The following RNF213 variants were observed in gnomAD, a reference collection of about 807,000 sequenced individuals.
RNF213 encodes the protein ring finger protein 213, also known as E3 ubiquitin-protein ligase RNF213.
RNF213 carries 341 observed loss-of-function variants against 514.4 expected under a neutral mutation model. The observed-to-expected ratio is 0.66, with a 90% CI of 0.61 to 0.73. The LOEUF (loss-of-function observed/expected upper bound fraction) is 0.73, where lower values mean the gene tolerates loss of function less well. RNF213 is among the 30% of genes least tolerant of loss of function. The probability of loss-of-function intolerance (pLI) is 0.00; values close to 1 mark genes in which losing one functional copy is unlikely to be tolerated. For missense variants in RNF213, 5,767 were observed against 6,615.6 expected (o/e 0.87, Z 4.45); for synonymous variants, 2,655 against 2,658.2 (o/e 1.00, Z 0.04).
At chr17:80,361,204 C>T (rs560400750) in intron 38 of RNF213, among the ~76,000 whole-genome samples, 5 of 152,340 alleles carry the variant, frequency 3.3e-5, no homozygotes, top group African/African-American at 1.2e-4. Flanking sequence ...AAATTTGACA[C>T]TGTTTCCGCC....
In RNF213 at chr17:80,394,053, T is replaced by G. The variant is rs2080588439; in HGVS notation, c.*555T>G. ...AAATCAGGGCATTTTGTGAGTGCCT[T>G]AAGATCAAACTAACAAGATCTGACC... On this transcript the variant is annotated 3_prime_UTR_variant, in exon 68 of 68. Coordinates refer to ENST00000582970, the MANE Select transcript of RNF213 (RefSeq NM_001256071.3). 6.3e-6 allele frequency: 1 copy of G among 158,750 alleles called. No homozygotes were observed. The highest frequency in any genetic ancestry group is 1.4e-5 in the Non-Finnish European group (1 of 71,780). The allele number at this position is 158,750 out of a possible 1,614,324, so 9.8% of individuals were successfully genotyped here.
chr17:80,311,811 C>T lies in RNF213; in HGVS notation c.2656-1201C>T, dbSNP rs560139475. ...TGGCTCCTGACACTTGCACGATGTG[C>T]GGGGCTGTGCTTAAAAAAAAAGATC... On this transcript the variant is annotated intron_variant, in intron 14 of 67. Transcript: ENST00000582970. Among the ~76,000 whole-genome samples the T allele has an allele frequency of 4.6e-5, 7 of 152,152 alleles. No individual in the cohort carries two copies. In the South Asian group the frequency reaches 1.0e-3, roughly 23 times the overall value.
At chr17:80,387,714 T>A (rs2080294530) in intron 63 of RNF213, among the ~76,000 whole-genome samples, 1 of 152,216 alleles carries the variant, frequency 6.6e-6, no homozygotes, top group Non-Finnish European at 1.5e-5. Flanking sequence ...GACACTCTGT[T>A]GTCTGGTATG....
chr17:80,343,335 CT>C lies in RNF213; in HGVS notation c.6183+11del. 1.2e-6 allele frequency: 2 copies of C among 1,609,292 alleles called. No homozygotes were observed. Among genetic ancestry groups the C allele is most frequent in the Non-Finnish European group, 1.7e-6 (2 of 1,178,210 alleles). On this transcript the variant is annotated intron_variant, in intron 27 of 67. Transcript: ENST00000582970. The surrounding 1 kb of genome is among the most constrained non-coding windows in gnomAD (Gnocchi z 4.3). ...GGACGTGACCTCCTCAGTAAGTGCCCTCCAGCGTCAGCCGATGGCCACATCA... is the reference window on the plus strand; with the variant it reads ...GGACGTGACCTCCTCAGTAAGTGCCCCCAGCGTCAGCCGATGGCCACATCA...
chr17:80,340,074 G>A lies in RNF213; in HGVS notation c.5707G>A (p.Glu1903Lys), dbSNP rs754786999. ...GCTGTTCGCAGATCAGCTGAGCTACGAGGTGGCACGCCAAGCGGAGGAGCT... is the reference window on the plus strand; with the variant it reads ...GCTGTTCGCAGATCAGCTGAGCTACAAGGTGGCACGCCAAGCGGAGGAGCT... Reference protein sequence around the residue: ...SLLFADQLSYEVARQAEELFH... With the variant: ...SLLFADQLSYKVARQAEELFH... Residue 1903 changes from glutamate to lysine, a missense_variant, in exon 26 of 68, where the codon GAG becomes AAG. Physicochemically the swap from Glu to Lys is moderately conservative, Grantham distance 56. Coordinates refer to ENST00000582970, the MANE Select transcript of RNF213 (RefSeq NM_001256071.3). 160 of 1,593,304 alleles carry A rather than the reference G, an allele frequency of 1.0e-4. No homozygotes were observed. Among genetic ancestry groups the A allele is most frequent in the Non-Finnish European group, 1.3e-4 (156 of 1,172,728 alleles).
At chr17:80,291,352 C>G (rs187726161) in intron 7 of RNF213, among the ~76,000 whole-genome samples, 1 of 150,994 alleles carries the variant, frequency 6.6e-6, no homozygotes, top group African/African-American at 2.4e-5. Flanking sequence ...TCTCCTGGGC[C>G]ATCATGCCCA....
chr17:80,368,124 G>C lies in RNF213; in HGVS notation c.12136G>C (p.Ala4046Pro), dbSNP rs2144462878. The change falls in exon 44 of 68, where the codon GCT becomes CCT. Residue 4046 changes from alanine (A) to proline (P), a missense_variant. By Grantham distance (27) the Ala-to-Pro change is conservative. This residue lies in a region of RNF213 where 93 missense variants were observed against 95.6 expected (regional missense o/e 0.97). Transcript: ENST00000582970. The stretch of plus-strand genomic sequence containing the variant: ...TGCCTTGCCAGACGAATTCTCTCCA[G>C]CTGTTTCCCAAGCGCACAGGTACAA... ...LTALPDEFSP[A>P]VSQAHREAIE... 1 of 1,614,248 alleles carries C rather than the reference G, an allele frequency of 6.2e-7. No individual in the cohort carries two copies. Among genetic ancestry groups the C allele is most frequent in the East Asian group, 2.2e-5 (1 of 44,886 alleles).
At chr17:80,385,763 C>T in intron 61 of RNF213, 142 bp downstream of exon 61, 4 of 756,940 alleles carry the variant, frequency 5.3e-6, no homozygotes, top group South Asian at 4.4e-5. Context: ...TGCTCTGTCG[C>T]CAGGCTGGAG....
At position 80,264,972 on chromosome 17, in the gene RNF213, C is replaced by T. The variant is rs931972887; in HGVS notation, c.97+1194C>T. Among the ~76,000 whole-genome samples the T allele has an allele frequency of 6.6e-6, 1 of 152,108 alleles. No individual in the cohort carries two copies. The highest frequency in any genetic ancestry group is 1.5e-5 in the Non-Finnish European group (1 of 68,032). On this transcript the variant is annotated intron_variant, in intron 2 of 67. Transcript: ENST00000582970. This position sits in a 1 kb window ranked among gnomAD's most constrained non-coding sequence, Gnocchi z 5.0. ...TCCTTCCCCTCTTTCAGTCTTTGCC[C>T]AGCTGCTCGCCATGGGGTCTCTCCG... is the stretch of plus-strand genomic sequence containing the variant.
At chr17:80,273,471 C>A in intron 3 of RNF213, 67 bp downstream of exon 3, 1 of 1,597,084 alleles carries the variant, frequency 6.3e-7, no homozygotes. Context: ...CACTGCACAG[C>A]TGCCCAGCTA....
intron 46 of RNF213, among the ~76,000 whole-genome samples, chr17:80,371,316 G>A (rs907315049): frequency 1.3e-5 from 2 of 152,230 alleles, no homozygotes; most frequent in African/African-American, 2.4e-5. Context: ...AATGTTCCTC[G>A]CTATTCCGAG....
At chr17:80,297,819 G>T (rs2045016223) in intron 10 of RNF213, among the ~76,000 whole-genome samples, 1 of 151,360 alleles carries the variant, frequency 6.6e-6, no homozygotes. Flanking sequence ...AGCTAGCTGG[G>T]TGTGGTGGTG....
chr17:80,343,103 C>A lies in RNF213; in HGVS notation c.5990-29C>A. The A allele has an allele frequency of 6.3e-7, 1 of 1,590,310 alleles. No homozygotes were observed. Among genetic ancestry groups the A allele is most frequent in the South Asian group, 1.1e-5 (1 of 90,408 alleles). ...GATTACAGGTGTGAGCCACCACTCC[C>A]AGCCCTAATTTCTGTATTAATGTTA... On this transcript the variant is annotated intron_variant, in intron 26 of 67. Transcript: ENST00000582970. This position sits in a 1 kb window ranked among gnomAD's most constrained non-coding sequence, Gnocchi z 4.3.
chr17:80,274,003 G>T (rs534607981), intron 3 of RNF213, among the ~76,000 whole-genome samples: 5 of 152,244 alleles, frequency 3.3e-5, no homozygotes, highest in African/African-American at 1.2e-4. Flanking sequence ...AGCTTCTGCC[G>T]TGTGTATCTG....
chr17:80,383,944 T>G lies in RNF213; in HGVS notation c.14322+16T>G. On this transcript the variant is annotated intron_variant, in intron 59 of 67. Transcript: ENST00000582970. ...CCTGCAGAAGGTATGTCTGGCTTAC[T>G]GTGGCTCCCTCCCTCTTTCGGTGCA... The G allele has an allele frequency of 6.2e-7, 1 of 1,614,136 alleles. No individual in the cohort carries two copies. The highest frequency in any genetic ancestry group is 8.5e-7 in the Non-Finnish European group (1 of 1,180,022).
At position 80,336,153 on chromosome 17, in the gene RNF213, T is replaced by C. The variant is rs1451980523; in HGVS notation, c.4310-8T>C. 2.0e-6 allele frequency: 3 copies of C among 1,536,436 alleles called. No individual in the cohort carries two copies. Among genetic ancestry groups the C allele is most frequent in the Admixed American group, 2.0e-5 (1 of 50,982 alleles). ...TCCCACGCTGAACTCCCCTCTTCTCTTCCCCAGGCATCAATGAGCTGAAGG... is the reference window on the plus strand; with the variant it reads ...TCCCACGCTGAACTCCCCTCTTCTCCTCCCCAGGCATCAATGAGCTGAAGG... On this transcript the variant is annotated splice_region_variant and splice_polypyrimidine_tract_variant and intron_variant, in intron 22 of 67. Coordinates refer to ENST00000582970, the MANE Select transcript of RNF213 (RefSeq NM_001256071.3).
intron 16 of RNF213, among the ~76,000 whole-genome samples, chr17:80,318,333 G>A (rs2046016045): frequency 6.6e-6 from 1 of 152,182 alleles, no homozygotes; most frequent in South Asian, 2.1e-4. Context: ...CGGCTCGAAG[G>A]TGGGGTTTTG....
chr17:80,308,584 G>A (rs1230550276), intron 13 of RNF213, among the ~76,000 whole-genome samples: 3 of 152,006 alleles, frequency 2.0e-5, no homozygotes, highest in Non-Finnish European at 2.9e-5. Context: ...GTGTCCCTCA[G>A]AAAACACAAA....
In RNF213 at chr17:80,317,908, C is replaced by A. The variant is rs2046000790; in HGVS notation, c.2901+631C>A. On this transcript the variant is annotated intron_variant, in intron 16 of 67. Coordinates refer to ENST00000582970, the MANE Select transcript of RNF213 (RefSeq NM_001256071.3). The surrounding 1 kb of genome is among the most constrained non-coding windows in gnomAD (Gnocchi z 4.1). The stretch of plus-strand genomic sequence containing the variant: ...CAGCATCCAAGAAGAATGGGGTCAC[C>A]CGGACACTTGAAGGATGGTGAAGGT... Among the ~76,000 whole-genome samples, 2 of 152,028 alleles carry A rather than the reference C, an allele frequency of 1.3e-5. No homozygotes were observed. Among genetic ancestry groups the A allele is most frequent in the Admixed American group, 1.3e-4 (2 of 15,266 alleles).
Sources: gnomAD v4.1 joint callset for allele counts (sites outside exome capture counted in the v4.1 genomes callset) on GRCh38, gnomAD v4.1.1 for gene constraint, gnomAD v4.1.1 regional missense constraint, Gnocchi (gnomAD v3.1) non-coding constraint, MANE v1.5 for transcripts, NCBI Gene and HGNC (gene_info 2026-07-23, HGNC 2026-07-21) for gene names.